Variants in SOX5 observed in about 807,000 individuals in gnomAD.
SOX5 encodes the protein SRY-box transcription factor 5.
A neutral mutation model predicts 92.0 loss-of-function variants in SOX5; 9 were observed. The ratio of observed to expected loss-of-function variants is 0.10; its 90% CI spans 0.06 to 0.17. The LOEUF (loss-of-function observed/expected upper bound fraction) is 0.17. SOX5 is among the 10% of genes least tolerant of loss of function. The pLI is 1.00. For missense variants in SOX5, 642 were observed against 944.5 expected, an observed-to-expected ratio of 0.68 and a Z score of 4.20; for synonymous variants, 344 against 336.3, an observed-to-expected ratio of 1.02 and a Z score of -0.25.
chr12:23,950,721 A>T, upstream of SOX5: 1 of 717,110 alleles, frequency 1.4e-6, no homozygotes, highest in Non-Finnish European at 2.4e-6. Context: ...CTATGGCTTT[A>T]CAGATTCTAA....
At chr12:24,252,924 T>C (rs921147657) in intron 3 of SOX5, among the ~76,000 whole-genome samples, 2 of 152,186 alleles carry the variant, frequency 1.3e-5, no homozygotes, top group Non-Finnish European at 2.9e-5. Flanking sequence ...GTAATTTCCC[T>C]CTGCTGATAA....
At chr12:24,561,176 C>T (rs1371359114) in intron 1 of SOX5, among the ~76,000 whole-genome samples, 2 of 152,186 alleles carry the variant, frequency 1.3e-5, no homozygotes, top group Non-Finnish European at 2.9e-5. Context: ...TAAGAAAGTA[C>T]AGTTGACTGC....
At chr12:23,845,283 GGAGT>G (rs2096562439) in intron 3 of SOX5, among the ~76,000 whole-genome samples, 1 of 152,204 alleles carries the variant, frequency 6.6e-6, no homozygotes, top group African/African-American at 2.4e-5. Flanking sequence ...GGTTTAAATA[GGAGT>G]TAGTAAGCAT....
At chr12:23,823,513 G>A (rs1378325471) in intron 3 of SOX5, among the ~76,000 whole-genome samples, 1 of 152,084 alleles carries the variant, frequency 6.6e-6, no homozygotes, top group Non-Finnish European at 1.5e-5. Flanking sequence ...TCCCTTTGTG[G>A]GTAACCCTAC....
chr12:23,749,200 T>C (rs2094106174), intron 4 of SOX5, among the ~76,000 whole-genome samples: 3 of 151,902 alleles, frequency 2.0e-5, no homozygotes, highest in African/African-American at 7.2e-5. Flanking sequence ...TAAGAAAGAA[T>C]TTAATCAGAC....
chr12:23,893,774 C>T (rs2097151844), intron 2 of SOX5, among the ~76,000 whole-genome samples: 1 of 152,198 alleles, frequency 6.6e-6, no homozygotes, highest in African/African-American at 2.4e-5. Flanking sequence ...GACTTTCTTA[C>T]ACTACTGACC....
At chr12:24,193,787 A>C (rs1956749627) in intron 4 of SOX5, among the ~76,000 whole-genome samples, 2 of 152,344 alleles carry the variant, frequency 1.3e-5, no homozygotes, top group Admixed American at 6.5e-5. Context: ...GTGCAAGTGA[A>C]ATTTGGAACA....
intron 4 of SOX5, among the ~76,000 whole-genome samples, chr12:24,091,932 C>G (rs1201853526): frequency 1.3e-5 from 2 of 152,126 alleles, no homozygotes; most frequent in African/African-American, 2.4e-5. Flanking sequence ...TGCAATTAGA[C>G]TATTAACTCT....
At position 23,710,564 on chromosome 12, in the gene SOX5, A is replaced by G. The variant is rs184111180; in HGVS notation, c.810+24120T>C. On this transcript the variant is annotated intron_variant, in intron 6 of 14. Transcript: ENST00000451604. ...CTTCATCCATGTCCCCACAAAGGAC[A>G]TGAACTCATCCTTTTTTATGGCTGC... 2.2e-3 allele frequency among the ~76,000 whole-genome samples: 328 copies of G among 152,334 alleles called. 1 individual carries two copies. The highest frequency in any genetic ancestry group is 0.01 in the Middle Eastern group (3 of 294).
At chr12:23,976,194 A>G (rs1366770333) in intron 4 of SOX5, among the ~76,000 whole-genome samples, 1 of 152,012 alleles carries the variant, frequency 6.6e-6, no homozygotes, top group Non-Finnish European at 1.5e-5. Flanking sequence ...ATGATTAAAG[A>G]AAAAAATTCT....
At chr12:24,420,938 TC>T (rs1965816051) in intron 1 of SOX5, among the ~76,000 whole-genome samples, 1 of 152,074 alleles carries the variant, frequency 6.6e-6, no homozygotes, top group Non-Finnish European at 1.5e-5. Flanking sequence ...ACCAACAAAA[TC>T]CATACTGTGG....
chr12:24,350,909 C>T (rs375417944), intron 2 of SOX5, among the ~76,000 whole-genome samples: 5 of 151,956 alleles, frequency 3.3e-5, no homozygotes, highest in East Asian at 1.9e-4. Context: ...AAAAATTAGC[C>T]GAGTATGATG....
intron 4 of SOX5, among the ~76,000 whole-genome samples, chr12:24,118,801 G>A (rs1056417034): frequency 6.6e-6 from 1 of 152,056 alleles, no homozygotes; most frequent in African/African-American, 2.4e-5. Flanking sequence ...CCAAAATAAA[G>A]TTACTGTAAA....
In SOX5 at chr12:23,895,445, G is replaced by GA. The variant is rs202158335; in HGVS notation, c.270+347dup. ...AACTATGTTCATTGTAACTCTACCA[G>GA]AAAAAAAAACTTTTATTAGAAAAAG... is the stretch of plus-strand genomic sequence containing the variant. On this transcript the variant is annotated intron_variant, in intron 2 of 14. Coordinates refer to ENST00000451604, the MANE Select transcript of SOX5 (RefSeq NM_006940.6). Among the ~76,000 whole-genome samples, 439 of 150,510 alleles carry GA rather than the reference G, an allele frequency of 2.9e-3. 1 individual carries two copies. The highest frequency in any genetic ancestry group is 4.9e-3 in the Non-Finnish European group (328 of 67,536).
intron 4 of SOX5, among the ~76,000 whole-genome samples, chr12:24,003,486 A>C (rs1951825131): frequency 6.6e-6 from 1 of 152,082 alleles, no homozygotes; most frequent in East Asian, 1.9e-4. Context: ...AATAAACAAA[A>C]ATCAATTATA....
chr12:24,061,874 A>G (rs1323781672), intron 4 of SOX5, among the ~76,000 whole-genome samples: 1 of 152,174 alleles, frequency 6.6e-6, no homozygotes, highest in East Asian at 1.9e-4. Context: ...ACATTAAAAC[A>G]CTGCTTGCTA....
intron 9 of SOX5, among the ~76,000 whole-genome samples, chr12:23,592,495 G>T (rs1039397498): frequency 6.6e-6 from 1 of 152,124 alleles, no homozygotes; most frequent in South Asian, 2.1e-4. Flanking sequence ...AGCATCAAAA[G>T]ATACTATCTA....
At chr12:24,244,428 C>A (rs1938191628) in intron 3 of SOX5, among the ~76,000 whole-genome samples, 1 of 152,174 alleles carries the variant, frequency 6.6e-6, no homozygotes, top group Non-Finnish European at 1.5e-5. Context: ...GCATATGTCC[C>A]CCCAGGGCCT....
chr12:24,321,920 A>G (rs1362714579), intron 2 of SOX5, among the ~76,000 whole-genome samples: 1 of 152,152 alleles, frequency 6.6e-6, no homozygotes, highest in South Asian at 2.1e-4. Flanking sequence ...CTCAATTATT[A>G]TGTTGGAAAT....
Sources: gnomAD v4.1 joint callset for allele counts (sites outside exome capture counted in the v4.1 genomes callset) on GRCh38, gnomAD v4.1.1 for gene constraint, MANE v1.5 for transcripts, NCBI Gene and HGNC (gene_info 2026-07-23, HGNC 2026-07-21) for gene names.